Variants in IQCM observed in about 807,000 individuals in gnomAD.
IQCM encodes the protein IQ domain-containing protein M.
In IQCM, 45 loss-of-function variants were observed where a neutral mutation model predicts 57.6. That is an observed-to-expected ratio of 0.78 (90% CI 0.62 to 1.00). The LOEUF is 1.00. Among genes scored for constraint, IQCM ranks in the 50% least tolerant of loss-of-function variants. The pLI is 0.00. For synonymous variants in IQCM, 148 were observed against 158.9 expected (o/e 0.93, Z 0.51); for missense variants, 468 against 511.6 (o/e 0.91, Z 0.82).
intron 8 of IQCM, among the ~76,000 whole-genome samples, chr4:149,603,333 CA>C (rs1441189202): frequency 6.6e-6 from 1 of 152,114 alleles, no homozygotes; most frequent in Non-Finnish European, 1.5e-5. Flanking sequence ...ATGTTTGGTT[CA>C]AGAGTAAAAC....
At chr4:149,688,115 GA>G (rs1762681222) in intron 5 of IQCM, among the ~76,000 whole-genome samples, 1 of 151,938 alleles carries the variant, frequency 6.6e-6, no homozygotes, top group South Asian at 2.1e-4. Flanking sequence ...TCAGACAAGA[GA>G]AAGAAATAAA....
intron 7 of IQCM, among the ~76,000 whole-genome samples, chr4:149,627,151 A>T (rs1756884564): frequency 6.6e-6 from 1 of 152,130 alleles, no homozygotes; most frequent in Admixed American, 6.6e-5. Context: ...GAGGGCAGGT[A>T]TTGATAACAA....
At chr4:149,421,165 T>C (rs1414569614) in intron 13 of IQCM, among the ~76,000 whole-genome samples, 1 of 152,142 alleles carries the variant, frequency 6.6e-6, no homozygotes, top group Non-Finnish European at 1.5e-5. Flanking sequence ...TGATTCTTTT[T>C]GTCTCTACAT....
intron 12 of IQCM, among the ~76,000 whole-genome samples, chr4:149,469,784 A>T (rs994668890): frequency 2.0e-5 from 3 of 152,204 alleles, no homozygotes; most frequent in African/African-American, 7.2e-5. Flanking sequence ...CTCGGCAGAA[A>T]CTCTACAAGC....
At chr4:149,588,521 G>A (rs763101616) in intron 8 of IQCM, among the ~76,000 whole-genome samples, 41 of 151,878 alleles carry the variant, frequency 2.7e-4, no homozygotes, top group Non-Finnish European at 4.9e-4. Context: ...CCCTCAATGT[G>A]ACTGTACTTG....
intron 8 of IQCM, among the ~76,000 whole-genome samples, chr4:149,616,130 A>C (rs934938813): frequency 2.0e-5 from 3 of 152,182 alleles, no homozygotes; most frequent in Non-Finnish European, 4.4e-5. Context: ...AGTAGAACTC[A>C]AACAATATCT....
intron 5 of IQCM, among the ~76,000 whole-genome samples, chr4:149,726,445 A>G (rs2149871607): frequency 6.6e-6 from 1 of 152,186 alleles, no homozygotes; most frequent in African/African-American, 2.4e-5. Context: ...TATGACTAAT[A>G]TATTTCCCAC....
chr4:149,539,371 T>C (rs1322999899), intron 12 of IQCM, among the ~76,000 whole-genome samples: 3 of 152,140 alleles, frequency 2.0e-5, no homozygotes, highest in African/African-American at 7.2e-5. Flanking sequence ...TGTCTAGTCG[T>C]TGTCTGGGGC....
At chr4:149,595,717 C>T (rs1004183150) in intron 8 of IQCM, among the ~76,000 whole-genome samples, 1 of 152,132 alleles carries the variant, frequency 6.6e-6, no homozygotes, top group Non-Finnish European at 1.5e-5. Context: ...AGATTTTTCA[C>T]AAGCCAATCT....
intron 5 of IQCM, among the ~76,000 whole-genome samples, chr4:149,722,822 G>A (rs554751097): frequency 4.2e-4 from 63 of 151,676 alleles, no homozygotes; most frequent in Non-Finnish European, 7.2e-4. Flanking sequence ...CTAATTCTGT[G>A]GGAAAAAAAA....
chr4:149,725,109 G>A (rs1449113345), intron 5 of IQCM, among the ~76,000 whole-genome samples: 5 of 152,042 alleles, frequency 3.3e-5, no homozygotes, highest in Admixed American at 6.6e-5. Context: ...ATTTACAAAG[G>A]ATATTTGATA....
At chr4:149,386,484 CCTTTTAAAAGGTATA>C (rs1187792141) in intron 13 of IQCM, among the ~76,000 whole-genome samples, 1 of 151,934 alleles carries the variant, frequency 6.6e-6, no homozygotes, top group African/African-American at 2.4e-5. Context: ...TTTAATTATA[CCTTTTAAAAGGTATA>C]CTTTTAAAAA....
chr4:149,742,630 A>G, intron 3 of IQCM, 25 bp downstream of exon 3: 2 of 1,218,150 alleles, frequency 1.6e-6, no homozygotes, highest in Non-Finnish European at 2.1e-6. Flanking sequence ...GACTTGTACT[A>G]TGTTAGGTAA....
At chr4:149,670,872 G>A (rs12644963) in intron 7 of IQCM, among the ~76,000 whole-genome samples, 2,651 of 151,826 alleles carry the variant, frequency 0.017, 75 homozygotes, top group South Asian at 0.14. Flanking sequence ...TGCTGGATTC[G>A]GTTTGCCAGT....
chr4:149,690,670 C>T (rs1001064085), intron 5 of IQCM, among the ~76,000 whole-genome samples: 5 of 152,062 alleles, frequency 3.3e-5, no homozygotes, highest in African/African-American at 4.8e-5. Context: ...TGGGCATTCT[C>T]GGATCTTGGA....
intron 9 of IQCM, among the ~76,000 whole-genome samples, chr4:149,579,100 T>A (rs1355290123): frequency 6.6e-6 from 1 of 151,820 alleles, no homozygotes; most frequent in African/African-American, 2.4e-5. Context: ...GTCTCTCTAT[T>A]CTGCTTGCTC....
chr4:149,765,359 G>A (rs572799858), intron 2 of IQCM, among the ~76,000 whole-genome samples: 7 of 152,132 alleles, frequency 4.6e-5, no homozygotes, highest in East Asian at 3.9e-4. Flanking sequence ...AAGTAATTTC[G>A]AAGAGAAAAA....
intron 12 of IQCM, among the ~76,000 whole-genome samples, chr4:149,517,434 G>A (rs2149821782): frequency 6.6e-6 from 1 of 152,314 alleles, no homozygotes; most frequent in South Asian, 2.1e-4. Flanking sequence ...TTGGGGATTG[G>A]TGAATTTCCA....
At chr4:149,410,887 C>A (rs1013744751) in intron 13 of IQCM, among the ~76,000 whole-genome samples, 29 of 152,068 alleles carry the variant, frequency 1.9e-4, no homozygotes, top group African/African-American at 6.0e-4. Flanking sequence ...TTTCACCTCA[C>A]TGGATTTTAA....
Sources: allele counts gnomAD v4.1 joint callset (sites outside exome capture counted in the v4.1 genomes callset), GRCh38; gene constraint gnomAD v4.1.1; transcripts MANE v1.5; gene names NCBI Gene and HGNC (gene_info 2026-07-23, HGNC 2026-07-21).